Variants in ZC3H14 observed in about 807,000 individuals in gnomAD.
The protein encoded by ZC3H14 is zinc finger CCCH domain-containing protein 14.
ZC3H14 carries 31 observed loss-of-function variants against 92.4 expected under a neutral mutation model. The observed-to-expected ratio is 0.34, with a 90% CI of 0.25 to 0.45. ZC3H14 has a LOEUF of 0.45. Among genes scored for constraint, ZC3H14 ranks in the 20% least tolerant of loss-of-function variants. The probability of loss-of-function intolerance (pLI) is 1.00; values close to 1 mark genes in which losing one functional copy is unlikely to be tolerated. For missense variants in ZC3H14, 781 were observed against 897.3 expected (o/e 0.87, Z 1.66); for synonymous variants, 321 against 300.9 (o/e 1.07, Z -0.69).
At chr14:88,568,258 A>G in intron 3 of ZC3H14, 105 bp downstream of exon 3, 3 of 940,710 alleles carry the variant, frequency 3.2e-6, no homozygotes, top group Middle Eastern at 4.2e-4. Context: ...TTTACTTTGG[A>G]GAGGCAGTTT....
At chr14:88,591,659 AG>A (rs1413654964) in intron 9 of ZC3H14, 1 of 152,242 alleles carries the variant, frequency 6.6e-6, no homozygotes, top group Non-Finnish European at 1.5e-5. Flanking sequence ...CTCGGAGGGA[AG>A]AACTGCACTT....
chr14:88,585,887 G>C (rs754899831), intron 9 of ZC3H14, among the ~76,000 whole-genome samples: 7 of 152,126 alleles, frequency 4.6e-5, no homozygotes, highest in Non-Finnish European at 8.8e-5. Context: ...GCACAAGTTG[G>C]GCCGGGTGCG....
At chr14:88,581,325 G>A (rs1052959828) in intron 9 of ZC3H14, among the ~76,000 whole-genome samples, 5 of 152,118 alleles carry the variant, frequency 3.3e-5, no homozygotes, top group African/African-American at 9.7e-5. Context: ...TTGGGAAGCC[G>A]AGGTGGGCAG....
chr14:88,580,591 G>A (rs1441325662), intron 9 of ZC3H14, among the ~76,000 whole-genome samples: 3 of 152,072 alleles, frequency 2.0e-5, no homozygotes, highest in Non-Finnish European at 2.9e-5. Flanking sequence ...TTGATAATAG[G>A]CAATAGAAAT....
chr14:88,603,913 A>G (rs1249135675), intron 12 of ZC3H14, among the ~76,000 whole-genome samples: 3 of 152,358 alleles, frequency 2.0e-5, no homozygotes, highest in South Asian at 2.1e-4. Flanking sequence ...TAGTGGAGCA[A>G]TAACACTTAG....
At chr14:88,598,867 A>G (rs902044474) in intron 10 of ZC3H14, among the ~76,000 whole-genome samples, 10 of 152,192 alleles carry the variant, frequency 6.6e-5, no homozygotes, top group Non-Finnish European at 1.0e-4. Context: ...CAGGCAGATC[A>G]CTTCAGGTCA....
In ZC3H14 at chr14:88,619,918, G is replaced by C. The variant is rs1448646371; in HGVS notation, c.*8167G>C. The C allele has an allele frequency of 6.6e-6, 1 of 152,310 alleles. No homozygotes were observed. 9.4% of individuals were successfully genotyped at this position (152,310 alleles called of 1,614,324 possible). A position where few individuals can be genotyped will look rare whatever the true frequency, so the allele number is the denominator to read the frequency against. Reference sequence around the variant, plus strand: ...GACTTCAGGTGATCTGCCTGCCTCGGCCTCCCAAAGTGCTGGGATTACAGG... The same window carrying C: ...GACTTCAGGTGATCTGCCTGCCTCGCCCTCCCAAAGTGCTGGGATTACAGG... On this transcript the variant is annotated 3_prime_UTR_variant, in exon 17 of 17. Transcript: ENST00000251038.
At chr14:88,574,321 C>T in intron 6 of ZC3H14, 1 of 272,418 alleles carries the variant, frequency 3.7e-6, no homozygotes, top group Non-Finnish European at 7.1e-6. Context: ...TCTTGGCTCC[C>T]TACATCCTCC....
At position 88,617,422 on chromosome 14, in the gene ZC3H14, C is replaced by G. The variant is rs538761914; in HGVS notation, c.*5671C>G. 195 of 152,604 alleles carry G rather than the reference C, an allele frequency of 1.3e-3. No homozygotes were observed. Among genetic ancestry groups the G allele is most frequent in the African/African-American group, 4.5e-3 (188 of 41,540 alleles). The allele number at this position is 152,604 out of a possible 1,614,324, so 9.5% of individuals were successfully genotyped here. A position where few individuals can be genotyped will look rare whatever the true frequency, so the allele number is the denominator to read the frequency against. On this transcript the variant is annotated 3_prime_UTR_variant, in exon 17 of 17. Transcript: ENST00000251038. ...TCGGCCTCCCAAAGTGCTGGGATTA[C>G]AGGCTGAGCCACCGCGCCTGACTGA... is the stretch of plus-strand genomic sequence containing the variant.
intron 10 of ZC3H14, among the ~76,000 whole-genome samples, chr14:88,598,208 G>A (rs1391148114): frequency 6.6e-6 from 1 of 152,092 alleles, no homozygotes; most frequent in East Asian, 1.9e-4. Flanking sequence ...CTGGGTTCAT[G>A]AGTTGGGGCA....
intron 3 of ZC3H14, 54 bp downstream of exon 3, chr14:88,568,207 G>A: frequency 6.9e-7 from 1 of 1,456,414 alleles, no homozygotes; most frequent in Admixed American, 1.7e-5. Flanking sequence ...AGCCTGAGTT[G>A]ATATTCTGTC....
At chr14:88,590,844 G>A (rs964662450) in intron 9 of ZC3H14, 3 of 152,336 alleles carry the variant, frequency 2.0e-5, no homozygotes, top group Admixed American at 1.3e-4. Flanking sequence ...AGCTCAGTCA[G>A]TGTTTGTTGT....
chr14:88,563,433 C>G, intron 1 of ZC3H14: 1 of 1,430,678 alleles, frequency 7.0e-7, no homozygotes, highest in Non-Finnish European at 9.1e-7. Flanking sequence ...GCGCACGGCG[C>G]CGCTTTGGAT....
intron 13 of ZC3H14, 117 bp downstream of exon 13, chr14:88,607,480 C>T (rs1199794188): frequency 4.3e-6 from 5 of 1,173,324 alleles, no homozygotes; most frequent in Non-Finnish European, 4.9e-6. Flanking sequence ...CAGCAAGTAC[C>T]ATCCCCCACA....
At chr14:88,571,657 G>A (rs185719374) in intron 4 of ZC3H14, among the ~76,000 whole-genome samples, 26 of 152,172 alleles carry the variant, frequency 1.7e-4, no homozygotes, top group Admixed American at 1.6e-3. Flanking sequence ...GGAAGGAAAC[G>A]ACTTAAAGTA....
chr14:88,609,875 CAG>C (rs924295999), intron 15 of ZC3H14, 72 bp downstream of exon 15: 13 of 1,496,340 alleles, frequency 8.7e-6, no homozygotes, highest in African/African-American at 6.9e-5. Flanking sequence ...TCTTTTTTGT[CAG>C]AGTTACTACA....
intron 9 of ZC3H14, among the ~76,000 whole-genome samples, chr14:88,596,187 T>C (rs2083797342): frequency 6.6e-6 from 1 of 152,206 alleles, no homozygotes; most frequent in East Asian, 1.9e-4. Context: ...TTTGCTAACA[T>C]AGGGTGTGGA....
chr14:88,610,796 C>T (rs2086547357), intron 15 of ZC3H14, 38 bp from the exon 16 acceptor site: 5 of 1,569,912 alleles, frequency 3.2e-6, no homozygotes, highest in South Asian at 2.2e-5. Flanking sequence ...TTATATTAGC[C>T]TTGTGGATAT....
At chr14:88,563,208 CG>C (rs764703713) in intron 1 of ZC3H14, 39 bp downstream of exon 1, 67 of 1,591,550 alleles carry the variant, frequency 4.2e-5, no homozygotes, top group Non-Finnish European at 5.7e-5. Flanking sequence ...AGCCAGGTCT[CG>C]GCGAGCGGGC....
Sources: gnomAD v4.1 joint callset for allele counts (sites outside exome capture counted in the v4.1 genomes callset) on GRCh38, gnomAD v4.1.1 for gene constraint, MANE v1.5 for transcripts, NCBI Gene and HGNC (gene_info 2026-07-23, HGNC 2026-07-21) for gene names.